Variants in PEAK1 observed in about 807,000 individuals in gnomAD.
PEAK1 encodes pseudopodium enriched atypical kinase 1, also known as inactive tyrosine-protein kinase PEAK1.
A neutral mutation model predicts 124.7 loss-of-function variants in PEAK1; 54 were observed. The observed-to-expected ratio is 0.43, with a 90% confidence interval of 0.35 to 0.54. The LOEUF is 0.54. Ranked by LOEUF, PEAK1 falls within the 20% of genes least tolerant of loss-of-function variation. The pLI, the probability that PEAK1 is intolerant of heterozygous loss-of-function variation, is 0.01. For synonymous variants in PEAK1, 719 were observed against 760.0 expected, an observed-to-expected ratio of 0.95 and a Z score of 0.89; for missense variants, 2,046 against 2,134.5, an observed-to-expected ratio of 0.96 and a Z score of 0.82.
At chr15:77,359,445 A>G (rs1360817588) in intron 2 of PEAK1, among the ~76,000 whole-genome samples, 2 of 152,036 alleles carry the variant, frequency 1.3e-5, no homozygotes, top group Non-Finnish European at 2.9e-5. Context: ...GTCTCAAAAA[A>G]AAAAAAAACG....
At chr15:77,332,230 CA>C (rs1419235057) in intron 2 of PEAK1, 4 of 983,638 alleles carry the variant, frequency 4.1e-6, no homozygotes, top group Non-Finnish European at 4.8e-6. Context: ...CCTTTTTTGA[CA>C]AAACACAAAA....
At chr15:77,271,372 G>C (rs181726528) in intron 5 of PEAK1, among the ~76,000 whole-genome samples, 2 of 152,258 alleles carry the variant, frequency 1.3e-5, no homozygotes, top group Admixed American at 1.3e-4. Context: ...AGTCAGTGTG[G>C]CGATTCCTCA....
At chr15:77,248,533 C>T (rs1041893033) in intron 6 of PEAK1, among the ~76,000 whole-genome samples, 1 of 152,042 alleles carries the variant, frequency 6.6e-6, no homozygotes, top group African/African-American at 2.4e-5. Flanking sequence ...AGTAAGAATC[C>T]TTATAAAGGA....
At chr15:77,175,341 A>G (rs1317513916) in intron 7 of PEAK1, among the ~76,000 whole-genome samples, 2 of 152,180 alleles carry the variant, frequency 1.3e-5, no homozygotes, top group African/African-American at 4.8e-5. Context: ...GAAAATTTTC[A>G]CAACCTATTC....
chr15:77,303,099 CTCT>C (rs1370068265), intron 2 of PEAK1, among the ~76,000 whole-genome samples: 1 of 152,164 alleles, frequency 6.6e-6, no homozygotes, highest in African/African-American at 2.4e-5. Context: ...GATTTCATAG[CTCT>C]TTTTAGTACT....
intron 8 of PEAK1, among the ~76,000 whole-genome samples, chr15:77,152,940 C>A (rs1266093753): frequency 2.6e-5 from 4 of 152,160 alleles, no homozygotes; most frequent in African/African-American, 7.2e-5. Flanking sequence ...GGATATTGGT[C>A]TAAAATTCTG....
At chr15:77,186,626 TA>T (rs2057562231) in intron 6 of PEAK1, among the ~76,000 whole-genome samples, 1 of 150,240 alleles carries the variant, frequency 6.7e-6, no homozygotes, top group Non-Finnish European at 1.5e-5. Context: ...AGTATAATAA[TA>T]AAAAACAAAA....
chr15:77,297,291 GAAGT>G (rs2063532895), intron 2 of PEAK1, among the ~76,000 whole-genome samples: 2 of 151,782 alleles, frequency 1.3e-5, no homozygotes, highest in Non-Finnish European at 2.9e-5. Context: ...GATAGTAACA[GAAGT>G]AAAATATTTG....
At chr15:77,161,057 G>A (rs2055593496) in intron 7 of PEAK1, among the ~76,000 whole-genome samples, 1 of 152,174 alleles carries the variant, frequency 6.6e-6, no homozygotes, top group Non-Finnish European at 1.5e-5. Flanking sequence ...TCTGTACTCT[G>A]AAGAGCTTCA....
In PEAK1 at chr15:77,190,166, A is replaced by G. The variant is rs76170011; in HGVS notation, c.-114-8126T>C. Among the ~76,000 whole-genome samples, 648 of 152,314 alleles carry G rather than the reference A, an allele frequency of 4.3e-3. 1 individual carries two copies. Among genetic ancestry groups the G allele is most frequent in the African/African-American group, 0.013 (553 of 41,562 alleles). ...AATTAAAAGAAATTTTACCTTTCCC[A>G]GCTATAGAAAAGAGTGAACAATACA... On this transcript the variant is annotated intron_variant, in intron 6 of 9. Coordinates refer to ENST00000682557, the MANE Select transcript of PEAK1 (RefSeq NM_001385026.1).
At chr15:77,335,465 A>G (rs987936363) in intron 2 of PEAK1, 8 of 985,164 alleles carry the variant, frequency 8.1e-6, no homozygotes, top group African/African-American at 7.0e-5. Flanking sequence ...TCTTATCACT[A>G]TACATCACGT....
chr15:77,131,889 G>A (rs929661802), intron 9 of PEAK1, among the ~76,000 whole-genome samples: 5 of 151,658 alleles, frequency 3.3e-5, no homozygotes, highest in Admixed American at 2.0e-4. Context: ...ACCAGCCTGG[G>A]CAACATAGTG....
rs1049938698 is a variant in PEAK1, at chr15:77,333,356, G to A, written c.-603+31807C>T. 8.1e-6 allele frequency: 8 copies of A among 983,274 alleles called. No homozygotes were observed. In the Admixed American group the frequency reaches 3.1e-4, roughly 38 times the overall value. 60.9% of individuals were successfully genotyped at this position (983,274 alleles called of 1,614,324 possible). On this transcript the variant is annotated intron_variant, in intron 2 of 9. Coordinates refer to ENST00000682557, the MANE Select transcript of PEAK1 (RefSeq NM_001385026.1). ...GAGCACTTCTATATACAACCAACAT[G>A]CTATCAAGTTAGAAACCAATGGTGG...
intron 1 of PEAK1, chr15:77,371,530 A>G: frequency 1.2e-6 from 1 of 822,298 alleles, no homozygotes; most frequent in Middle Eastern, 6.3e-4. Context: ...CACCACCACC[A>G]CCACCACCAT....
At chr15:77,142,636 G>A (rs916060928) in intron 8 of PEAK1, among the ~76,000 whole-genome samples, 5 of 152,204 alleles carry the variant, frequency 3.3e-5, no homozygotes, top group African/African-American at 7.2e-5. Flanking sequence ...CATAAGAGGA[G>A]TGAAGTACTG....
chr15:77,329,814 T>C lies in PEAK1; in HGVS notation c.-603+35349A>G, dbSNP rs192030585. 6.6e-5 allele frequency among the ~76,000 whole-genome samples: 10 copies of C among 152,200 alleles called. No individual in the cohort carries two copies. In the East Asian group the frequency reaches 1.7e-3, roughly 26 times the overall value. On this transcript the variant is annotated intron_variant, in intron 2 of 9. Transcript: ENST00000682557. ...CATTGAATTTATCAATATATGAAAG[T>C]GGGTTTCTAGAGTTTACAGAGGAAA...
chr15:77,356,949 C>G (rs977478718), intron 2 of PEAK1, among the ~76,000 whole-genome samples: 33 of 152,144 alleles, frequency 2.2e-4, no homozygotes, highest in African/African-American at 7.7e-4. Context: ...GGAAAAATCT[C>G]CAAGATACAG....
exon 7 of PEAK1, chr15:77,101,417 C>G (rs372022173): frequency 6.6e-6 from 1 of 152,190 alleles, no homozygotes; most frequent in Non-Finnish European, 1.5e-5. Flanking sequence ...CCCGATGAGT[C>G]CTTGGTTATA....
intron 9 of PEAK1, among the ~76,000 whole-genome samples, chr15:77,130,084 T>C (rs1289010267): frequency 1.3e-5 from 2 of 152,190 alleles, no homozygotes; most frequent in African/African-American, 2.4e-5. Flanking sequence ...TCTTTGGAGA[T>C]TGGTTTTACA....
Sources: gnomAD v4.1 joint callset for allele counts (sites outside exome capture counted in the v4.1 genomes callset) on GRCh38, gnomAD v4.1.1 for gene constraint, MANE v1.5 for transcripts, NCBI Gene and HGNC (gene_info 2026-07-23, HGNC 2026-07-21) for gene names.